SSH2: variants seen among roughly 807,000 people sequenced by gnomAD.
SSH2 encodes the protein protein phosphatase Slingshot homolog 2.
In SSH2, 37 loss-of-function variants were observed where a neutral mutation model predicts 135.2. The ratio of observed to expected loss-of-function variants is 0.27; its 90% CI spans 0.21 to 0.36. The LOEUF (loss-of-function observed/expected upper bound fraction) is 0.36, where lower values mean the gene tolerates loss of function less well. Ranked by LOEUF, SSH2 falls within the 10% of genes least tolerant of loss-of-function variation. The pLI is 1.00. For missense variants in SSH2, 1,408 were observed against 1,765.3 expected, an observed-to-expected ratio of 0.80 and a Z score of 3.63; for synonymous variants, 628 against 646.2, an observed-to-expected ratio of 0.97 and a Z score of 0.43.
intron 3 of SSH2, among the ~76,000 whole-genome samples, chr17:29,786,499 C>T (rs2041968071): frequency 6.6e-6 from 1 of 152,142 alleles, no homozygotes; most frequent in African/African-American, 2.4e-5. Flanking sequence ...ATCTGTGAGC[C>T]TAAATTTTTG....
chr17:29,809,854 G>A (rs1441481538), intron 2 of SSH2, among the ~76,000 whole-genome samples: 1 of 152,102 alleles, frequency 6.6e-6, no homozygotes. Flanking sequence ...CACCCCACCA[G>A]CCCTACTTAT....
At chr17:29,753,212 C>T (rs1378541036) in intron 3 of SSH2, among the ~76,000 whole-genome samples, 1 of 151,996 alleles carries the variant, frequency 6.6e-6, no homozygotes, top group African/African-American at 2.4e-5. Context: ...CTCACGGCAA[C>T]CTCTGCCTCC....
chr17:29,691,078 T>A (rs555285259), intron 5 of SSH2, among the ~76,000 whole-genome samples: 1 of 151,862 alleles, frequency 6.6e-6, no homozygotes, highest in Non-Finnish European at 1.5e-5. Context: ...TATTTATACC[T>A]TTTTGCATTG....
At chr17:29,905,968 C>A (rs985242373) in intron 1 of SSH2, among the ~76,000 whole-genome samples, 3 of 152,262 alleles carry the variant, frequency 2.0e-5, no homozygotes, top group East Asian at 3.9e-4. Context: ...GAAGAACTAC[C>A]CTCTCCAGGG....
At position 29,630,977 on chromosome 17, in the gene SSH2, C is replaced by CCCT; in HGVS notation, c.4214_4216dup (p.Gln1405_Gly1406insGlu). On this transcript the variant is annotated inframe_insertion, in exon 16 of 16. Transcript: ENST00000540801. The stretch of plus-strand genomic sequence containing the variant: ...TGGAGCTGGGCATGCACACTGCAGT[C>CCCT]CCTGGGTCTGTAGCACGGGAAGGCC... 1 of 1,613,708 alleles carries CCCT rather than the reference C, an allele frequency of 6.2e-7. No homozygotes were observed. The highest frequency in any genetic ancestry group is 1.1e-5 in the South Asian group (1 of 91,080).
chr17:29,840,008 G>A (rs182078644), intron 2 of SSH2, among the ~76,000 whole-genome samples: 1 of 152,218 alleles, frequency 6.6e-6, no homozygotes, highest in East Asian at 1.9e-4. Context: ...GGTGTCACAT[G>A]GTAAGTACTC....
At chr17:29,916,474 T>TC (rs2151480786) in intron 1 of SSH2, among the ~76,000 whole-genome samples, 1 of 151,238 alleles carries the variant, frequency 6.6e-6, no homozygotes, top group East Asian at 1.9e-4. Context: ...TCTTTCTTTT[T>TC]TTTTTTTTTT....
intron 11 of SSH2, among the ~76,000 whole-genome samples, chr17:29,663,588 A>G (rs905329090): frequency 1.3e-5 from 2 of 152,244 alleles, no homozygotes; most frequent in Non-Finnish European, 2.9e-5. Flanking sequence ...AAATATTCAC[A>G]ATAGAAAGAA....
Position 29,630,730 on chromosome 17 carries a change from A to C in SSH2, c.*111T>G, listed in dbSNP as rs2035628043. 2 of 1,260,932 alleles carry C rather than the reference A, an allele frequency of 1.6e-6. No individual in the cohort carries two copies. The highest frequency in any genetic ancestry group is 2.4e-5 in the East Asian group (1 of 42,264). The allele number at this position is 1,260,932 out of a possible 1,614,324, so 78.1% of individuals were successfully genotyped here. On this transcript the variant is annotated 3_prime_UTR_variant, in exon 16 of 16. Coordinates refer to ENST00000540801, the MANE Select transcript of SSH2 (RefSeq NM_001282129.2). ...AAACCCTGCATGCACCAGAAACAGTAAAATGACCAAAATATTATAAAATTA... is the reference window on the plus strand; with the variant it reads ...AAACCCTGCATGCACCAGAAACAGTCAAATGACCAAAATATTATAAAATTA...
chr17:29,682,620 A>G (rs1567873508), intron 6 of SSH2, among the ~76,000 whole-genome samples: 2 of 152,162 alleles, frequency 1.3e-5, no homozygotes, highest in African/African-American at 4.8e-5. Context: ...ACAAAAAGGA[A>G]AAAAGAAAAG....
At chr17:29,758,077 G>C (rs911411393) in intron 3 of SSH2, among the ~76,000 whole-genome samples, 1 of 151,736 alleles carries the variant, frequency 6.6e-6, no homozygotes, top group Admixed American at 6.6e-5. Context: ...AAGAAACAAA[G>C]AAAAAAGAAG....
chr17:29,649,258 T>A (rs1185615476), intron 13 of SSH2, among the ~76,000 whole-genome samples: 2 of 152,072 alleles, frequency 1.3e-5, no homozygotes, highest in African/African-American at 4.8e-5. Context: ...CCCTCAGTTG[T>A]GCCTGGGTGC....
chr17:29,770,181 C>T (rs917740872), intron 3 of SSH2, among the ~76,000 whole-genome samples: 4 of 147,876 alleles, frequency 2.7e-5, no homozygotes, highest in Non-Finnish European at 5.9e-5. Context: ...CTTACTGCAA[C>T]CTCTGCCTCC....
chr17:29,779,523 G>A (rs980796447), intron 3 of SSH2, among the ~76,000 whole-genome samples: 5 of 152,130 alleles, frequency 3.3e-5, no homozygotes, highest in African/African-American at 1.2e-4. Flanking sequence ...TGCACAGTCA[G>A]GGTGCAGAAA....
intron 8 of SSH2, among the ~76,000 whole-genome samples, chr17:29,674,952 A>C (rs2037645062): frequency 6.6e-6 from 1 of 152,214 alleles, no homozygotes; most frequent in Non-Finnish European, 1.5e-5. Flanking sequence ...TCAAAGCTTG[A>C]TTTAAGGTTA....
At chr17:29,813,266 C>A (rs1567989857) in intron 2 of SSH2, among the ~76,000 whole-genome samples, 1 of 151,898 alleles carries the variant, frequency 6.6e-6, no homozygotes, top group African/African-American at 2.4e-5. Context: ...GCCTGTAATC[C>A]CAGCTACTTG....
chr17:29,731,794 C>A (rs2040209424), intron 3 of SSH2, among the ~76,000 whole-genome samples: 1 of 152,140 alleles, frequency 6.6e-6, no homozygotes. Context: ...GGCTTCTCTG[C>A]AAATGTGACT....
chr17:29,652,643 T>C (rs963116309), intron 12 of SSH2, among the ~76,000 whole-genome samples: 2 of 152,094 alleles, frequency 1.3e-5, no homozygotes, highest in African/African-American at 4.8e-5. Flanking sequence ...ACTTTCCTTA[T>C]TTTATTTTAT....
At chr17:29,871,249 T>C (rs2065932423) in intron 1 of SSH2, among the ~76,000 whole-genome samples, 1 of 152,120 alleles carries the variant, frequency 6.6e-6, no homozygotes, top group South Asian at 2.1e-4. Flanking sequence ...TGTTTGCAGA[T>C]ACAGAGCAGC....
Sources: allele counts gnomAD v4.1 joint callset (sites outside exome capture counted in the v4.1 genomes callset), GRCh38; gene constraint gnomAD v4.1.1; transcripts MANE v1.5; gene names NCBI Gene and HGNC (gene_info 2026-07-23, HGNC 2026-07-21).